Variants in DEPTOR observed in about 807,000 individuals in gnomAD.
The protein encoded by DEPTOR is DEP domain-containing mTOR-interacting protein.
DEPTOR carries 41 observed loss-of-function variants against 41.6 expected under a neutral mutation model. The observed-to-expected ratio is 0.98, with a 90% confidence interval of 0.77 to 1.28. The LOEUF is 1.28. DEPTOR is among the 50% of genes most tolerant of loss of function. The pLI, the probability that DEPTOR is intolerant of heterozygous loss-of-function variation, is 0.00. For missense variants in DEPTOR, 514 were observed against 527.9 expected, an observed-to-expected ratio of 0.97 and a Z score of 0.26; for synonymous variants, 195 against 192.3, an observed-to-expected ratio of 1.01 and a Z score of -0.12.
At chr8:119,977,532 C>G (rs1563580024) in intron 4 of DEPTOR, among the ~76,000 whole-genome samples, 1 of 152,196 alleles carries the variant, frequency 6.6e-6, no homozygotes, top group Non-Finnish European at 1.5e-5. Context: ...ACTGTGCTCT[C>G]TCATATGCTT....
chr8:119,920,081 GAAT>G (rs1406622464), intron 1 of DEPTOR, among the ~76,000 whole-genome samples: 2 of 151,142 alleles, frequency 1.3e-5, no homozygotes, highest in Non-Finnish European at 2.9e-5. Context: ...TGTCTGAGAT[GAAT>G]AATAGGAAGG....
intron 6 of DEPTOR, among the ~76,000 whole-genome samples, chr8:120,006,250 T>C (rs6982861): frequency 0.15 from 23,529 of 151,986 alleles, 2,994 homozygotes; most frequent in African/African-American, 0.35. Flanking sequence ...GAAGTGAGGC[T>C]GGGCGGCTCA....
chr8:119,886,538 C>T (rs1827367475), intron 1 of DEPTOR, among the ~76,000 whole-genome samples: 2 of 152,006 alleles, frequency 1.3e-5, no homozygotes, highest in Non-Finnish European at 2.9e-5. Flanking sequence ...TACATACATA[C>T]ACACATAGAC....
chr8:119,926,119 A>G (rs1455159700), intron 1 of DEPTOR, among the ~76,000 whole-genome samples: 2 of 152,040 alleles, frequency 1.3e-5, no homozygotes, highest in Non-Finnish European at 2.9e-5. Context: ...ATTTTCCTTA[A>G]TAGAAGAAAG....
At chr8:119,990,555 C>G (rs2130048173) in intron 4 of DEPTOR, among the ~76,000 whole-genome samples, 2 of 152,344 alleles carry the variant, frequency 1.3e-5, no homozygotes, top group South Asian at 4.1e-4. Flanking sequence ...GACACAGAAG[C>G]TGCAGCACTC....
intron 4 of DEPTOR, among the ~76,000 whole-genome samples, chr8:119,972,944 CT>C (rs958136792): frequency 9.3e-4 from 136 of 145,836 alleles, no homozygotes; most frequent in South Asian, 2.6e-3. Flanking sequence ...GGATAAATAC[CT>C]TTTTTTTTTT....
chr8:119,892,038 A>C (rs1827459089), intron 1 of DEPTOR, among the ~76,000 whole-genome samples: 1 of 151,978 alleles, frequency 6.6e-6, no homozygotes, highest in Non-Finnish European at 1.5e-5. Flanking sequence ...TGGCTGTGTC[A>C]CCCAGGCTGG....
At chr8:119,956,746 T>G (rs1003939591) in intron 3 of DEPTOR, among the ~76,000 whole-genome samples, 28 of 148,436 alleles carry the variant, frequency 1.9e-4, no homozygotes, top group African/African-American at 6.7e-4. Context: ...TTTTGTTTTT[T>G]TTTTTTTAGA....
At chr8:119,962,010 G>A (rs1384489818) in intron 3 of DEPTOR, among the ~76,000 whole-genome samples, 1 of 150,150 alleles carries the variant, frequency 6.7e-6, no homozygotes, top group Non-Finnish European at 1.5e-5. Context: ...AGAGGCCAAG[G>A]CCAGCAGATC....
intron 3 of DEPTOR, among the ~76,000 whole-genome samples, chr8:119,940,721 C>T (rs1028365914): frequency 5.3e-5 from 8 of 151,862 alleles, no homozygotes; most frequent in South Asian, 2.1e-4. Flanking sequence ...GCGTGGGTGA[C>T]GAGTGAAACT....
At chr8:119,876,178 C>T (rs1453698113) in intron 1 of DEPTOR, among the ~76,000 whole-genome samples, 1 of 152,170 alleles carries the variant, frequency 6.6e-6, no homozygotes, top group African/African-American at 2.4e-5. Flanking sequence ...TTGTTATTCC[C>T]CACTTTTCTA....
At chr8:119,978,740 C>T (rs1828727292) in intron 4 of DEPTOR, among the ~76,000 whole-genome samples, 1 of 152,154 alleles carries the variant, frequency 6.6e-6, no homozygotes, top group Non-Finnish European at 1.5e-5. Context: ...TGATTACTCT[C>T]AGCTGTTTCA....
At chr8:120,020,075 TTTTG>T (rs755949665) in intron 8 of DEPTOR, among the ~76,000 whole-genome samples, 8 of 152,096 alleles carry the variant, frequency 5.3e-5, no homozygotes, top group Non-Finnish European at 8.8e-5. Context: ...TCTCATTTTT[TTTTG>T]TTTGTTTTTT....
intron 1 of DEPTOR, among the ~76,000 whole-genome samples, chr8:119,882,784 A>G (rs1005813611): frequency 6.6e-6 from 1 of 152,114 alleles, no homozygotes; most frequent in African/African-American, 2.4e-5. Context: ...GTTGGTTTCC[A>G]TGAGTTTAGT....
At chr8:119,961,964 G>A (rs1828497937) in intron 3 of DEPTOR, among the ~76,000 whole-genome samples, 1 of 151,898 alleles carries the variant, frequency 6.6e-6, no homozygotes, top group Non-Finnish European at 1.5e-5. Context: ...TTATGGGCCA[G>A]GTGTGGTAGC....
chr8:119,889,179 G>A (rs1326524398), intron 1 of DEPTOR, among the ~76,000 whole-genome samples: 1 of 152,076 alleles, frequency 6.6e-6, no homozygotes, highest in Non-Finnish European at 1.5e-5. Flanking sequence ...GATGTTATCA[G>A]GCATCCTTGG....
chr8:120,015,680 A>G lies in DEPTOR; in HGVS notation c.1101+6547A>G, dbSNP rs566937872. Among the ~76,000 whole-genome samples the G allele has an allele frequency of 1.1e-4, 16 of 152,226 alleles. 1 individual carries two copies. In the South Asian group the frequency reaches 3.3e-3, roughly 32 times the overall value. On this transcript the variant is annotated intron_variant, in intron 8 of 8. Coordinates refer to ENST00000286234, the MANE Select transcript of DEPTOR (RefSeq NM_022783.4). ...AAAGATGGGAGGAGGCCGAAGATAG[A>G]TGCTCACCCGTACAGAGACAGAGGG...
chr8:120,013,611 G>A (rs1812565063), intron 8 of DEPTOR, among the ~76,000 whole-genome samples: 2 of 152,140 alleles, frequency 1.3e-5, no homozygotes, highest in Non-Finnish European at 2.9e-5. Flanking sequence ...TCTGAGTGGT[G>A]GAAATTTTCC....
At chr8:119,920,452 G>A (rs1015226083) in intron 1 of DEPTOR, among the ~76,000 whole-genome samples, 3 of 152,170 alleles carry the variant, frequency 2.0e-5, no homozygotes, top group Admixed American at 6.5e-5. Flanking sequence ...GCTTTGGAAG[G>A]CTGGGAAAAC....
Sources: allele counts gnomAD v4.1 joint callset (sites outside exome capture counted in the v4.1 genomes callset), GRCh38; gene constraint gnomAD v4.1.1; transcripts MANE v1.5; gene names NCBI Gene and HGNC (gene_info 2026-07-23, HGNC 2026-07-21).